NRG4: variants seen among roughly 807,000 people sequenced by gnomAD.
The protein encoded by NRG4 is neuregulin 4.
A neutral mutation model predicts 15.0 loss-of-function variants in NRG4; 10 were observed. The observed-to-expected ratio is 0.67, with a 90% confidence interval of 0.41 to 1.13. NRG4 has a LOEUF of 1.13. Ranked by LOEUF, NRG4 falls within the 50% of genes most tolerant of loss-of-function variation. The pLI, the probability that NRG4 is intolerant of heterozygous loss-of-function variation, is 0.00. For missense variants in NRG4, 139 were observed against 140.2 expected, an observed-to-expected ratio of 0.99 and a Z score of 0.04; for synonymous variants, 41 against 50.1, an observed-to-expected ratio of 0.82 and a Z score of 0.77.
At chr15:76,051,602 C>T (rs1349250622) in intron 4 of NRG4, among the ~76,000 whole-genome samples, 3 of 144,986 alleles carry the variant, frequency 2.1e-5, no homozygotes, top group African/African-American at 7.9e-5. Context: ...CTCGCTCTGT[C>T]GCCCAGGCTG....
intron 4 of NRG4, among the ~76,000 whole-genome samples, chr15:75,960,524 G>C (rs2032463015): frequency 1.3e-5 from 2 of 152,196 alleles, no homozygotes; most frequent in South Asian, 4.1e-4. Flanking sequence ...TGAGCTGAAT[G>C]CCTGGGATGG....
intron 3 of NRG4, among the ~76,000 whole-genome samples, chr15:75,970,873 T>C (rs1228788659): frequency 1.3e-5 from 2 of 152,174 alleles, no homozygotes; most frequent in Non-Finnish European, 2.9e-5. Flanking sequence ...TGACCTTGTG[T>C]CTAAGTGGGC....
At chr15:75,962,326 G>A (rs1248085799) in intron 3 of NRG4, among the ~76,000 whole-genome samples, 1 of 152,112 alleles carries the variant, frequency 6.6e-6, no homozygotes, top group African/African-American at 2.4e-5. Flanking sequence ...TATAGATAAT[G>A]ATCTAAATGC....
chr15:76,032,292 G>C (rs958433228), intron 5 of NRG4, among the ~76,000 whole-genome samples: 1 of 151,938 alleles, frequency 6.6e-6, no homozygotes, highest in Non-Finnish European at 1.5e-5. Flanking sequence ...CTGACTCAGG[G>C]TACATCAGAA....
chr15:75,988,753 T>A (rs1412445656), intron 3 of NRG4, among the ~76,000 whole-genome samples: 1 of 151,458 alleles, frequency 6.6e-6, no homozygotes, highest in East Asian at 1.9e-4. Flanking sequence ...ACAGAGGAAG[T>A]GGGTTTAGAG....
At chr15:76,010,167 GGA>G (rs2034757255) in intron 2 of NRG4, among the ~76,000 whole-genome samples, 1 of 151,892 alleles carries the variant, frequency 6.6e-6, no homozygotes, top group Non-Finnish European at 1.5e-5. Flanking sequence ...AATAACAGAA[GGA>G]TTCATTGAGT....
At chr15:76,028,185 T>A (rs2035366725) in intron 5 of NRG4, among the ~76,000 whole-genome samples, 1 of 148,590 alleles carries the variant, frequency 6.7e-6, no homozygotes, top group African/African-American at 2.5e-5. Flanking sequence ...TAAATAAAAT[T>A]GAGAGAAAAA....
At chr15:76,020,639 G>C (rs921742809) in intron 5 of NRG4, among the ~76,000 whole-genome samples, 2 of 152,206 alleles carry the variant, frequency 1.3e-5, no homozygotes, top group African/African-American at 4.8e-5. Flanking sequence ...AATGTTTTAA[G>C]AAGTTTATGA....
At chr15:76,056,660 T>C (rs1424297029) in intron 2 of NRG4, among the ~76,000 whole-genome samples, 1 of 152,212 alleles carries the variant, frequency 6.6e-6, no homozygotes, top group Non-Finnish European at 1.5e-5. Flanking sequence ...AGAAGAGCTT[T>C]CAAAATATTA....
chr15:75,966,842 C>T (rs769156885), intron 3 of NRG4, among the ~76,000 whole-genome samples: 6 of 152,054 alleles, frequency 3.9e-5, no homozygotes, highest in Non-Finnish European at 5.9e-5. Flanking sequence ...GTCAGCTGGG[C>T]GCGGTGGCTC....
chr15:75,954,988 C>T (rs993772394), intron 5 of NRG4, among the ~76,000 whole-genome samples: 1 of 152,056 alleles, frequency 6.6e-6, no homozygotes, highest in African/African-American at 2.4e-5. Context: ...TTTCTATGTA[C>T]TCTACCCCGT....
chr15:75,959,250 C>A, intron 4 of NRG4: 2 of 224,072 alleles, frequency 8.9e-6, no homozygotes, highest in South Asian at 4.5e-5. Flanking sequence ...GGCAGGATTA[C>A]AGGCATGAGC....
intron 3 of NRG4, among the ~76,000 whole-genome samples, chr15:76,000,831 C>T (rs1275390323): frequency 6.6e-6 from 1 of 151,950 alleles, no homozygotes; most frequent in Non-Finnish European, 1.5e-5. Context: ...TTCACACAAA[C>T]AGAATACCTT....
chr15:75,975,529 T>C (rs934307622), intron 3 of NRG4, among the ~76,000 whole-genome samples: 3 of 152,228 alleles, frequency 2.0e-5, no homozygotes, highest in Admixed American at 6.5e-5. Context: ...CAGGAGCTCT[T>C]GTAAGGCAGG....
intron 3 of NRG4, among the ~76,000 whole-genome samples, chr15:75,968,585 T>TAAAAA (rs71140190): frequency 2.6e-4 from 26 of 99,132 alleles, no homozygotes; most frequent in African/African-American, 1.0e-3. Flanking sequence ...AAACTCCATC[T>TAAAAA]AAAAAAAAAA....
chr15:76,027,776 T>C (rs903480878), intron 5 of NRG4, among the ~76,000 whole-genome samples: 1 of 152,022 alleles, frequency 6.6e-6, no homozygotes, highest in African/African-American at 2.4e-5. Flanking sequence ...TGACAACATA[T>C]TAGGACACAA....
rs1414296870 is a variant in NRG4 at position 75,994,870 on chromosome 15, G to C, written c.104+14330C>G. On this transcript the variant is annotated intron_variant, in intron 3 of 5. Transcript: ENST00000394907. ...TGCTGTAAAGGAATATCTGAGGCTG[G>C]GTAATTTATAAAGAAAAGAGAGGCT... is the stretch of plus-strand genomic sequence containing the variant. Among the ~76,000 whole-genome samples the C allele has an allele frequency of 3.9e-5, 6 of 152,202 alleles. No individual in the cohort carries two copies. In the East Asian group the frequency reaches 1.2e-3, roughly 29 times the overall value.
chr15:75,957,843 A>G (rs865886087), intron 4 of NRG4, among the ~76,000 whole-genome samples: 1 of 151,916 alleles, frequency 6.6e-6, no homozygotes, highest in Non-Finnish European at 1.5e-5. Context: ...TTTCCAATTC[A>G]TTAATTATTT....
intron 5 of NRG4, among the ~76,000 whole-genome samples, chr15:75,945,307 G>A (rs2031428705): frequency 6.7e-6 from 1 of 150,080 alleles, no homozygotes; most frequent in South Asian, 2.1e-4. Flanking sequence ...TGTCACCCAG[G>A]CAGAGGCACA....
Sources: gnomAD v4.1 joint callset for allele counts (sites outside exome capture counted in the v4.1 genomes callset) on GRCh38, gnomAD v4.1.1 for gene constraint, MANE v1.5 for transcripts, NCBI Gene and HGNC (gene_info 2026-07-23, HGNC 2026-07-21) for gene names.